SYNE1: variants seen among roughly 807,000 people sequenced by gnomAD.
The protein encoded by SYNE1 is nesprin-1.
Under a neutral mutation model 1,111.0 loss-of-function variants are expected in SYNE1, and 616 were observed. The ratio of observed to expected loss-of-function variants is 0.55; its 90% CI spans 0.52 to 0.59. The LOEUF is 0.59. Ranked by LOEUF, SYNE1 falls within the 20% of genes least tolerant of loss-of-function variation. SYNE1 has a pLI of 0.00. For synonymous variants in SYNE1, 3,855 were observed against 3,825.8 expected (o/e 1.01, Z -0.28); for missense variants, 10,006 against 10,417.0 (o/e 0.96, Z 1.72).
At chr6:152,287,069 T>C (rs910232811) in intron 95 of SYNE1, among the ~76,000 whole-genome samples, 2 of 152,254 alleles carry the variant, frequency 1.3e-5, no homozygotes, top group Non-Finnish European at 2.9e-5. Flanking sequence ...ATTTGACAGT[T>C]ATGACATCCA....
At chr6:152,153,040 T>C (rs1201068757) in intron 133 of SYNE1, among the ~76,000 whole-genome samples, 1 of 152,242 alleles carries the variant, frequency 6.6e-6, no homozygotes, top group Non-Finnish European at 1.5e-5. Context: ...ATCTTGGCAT[T>C]AGACCAAAAT....
intron 48 of SYNE1, among the ~76,000 whole-genome samples, chr6:152,398,992 T>A (rs1304587270): frequency 1.3e-5 from 2 of 152,204 alleles, no homozygotes; most frequent in African/African-American, 4.8e-5. Context: ...ATGTCTAATA[T>A]CCTGTTGTGT....
At chr6:152,461,470 A>C (rs2098733688) in intron 21 of SYNE1, 127 bp downstream of exon 21, 1 of 1,176,252 alleles carries the variant, frequency 8.5e-7, no homozygotes, top group African/African-American at 1.5e-5. Flanking sequence ...TAAATTGAGA[A>C]TCCCAATTAG....
chr6:152,208,299 C>A, intron 124 of SYNE1, 93 bp from the exon 125 acceptor site: 1 of 1,146,612 alleles, frequency 8.7e-7, no homozygotes, highest in South Asian at 1.3e-5. Flanking sequence ...CAACCCTAAG[C>A]CCTGAGAAGT....
At chr6:152,370,924 A>G (rs748023059) in intron 59 of SYNE1, among the ~76,000 whole-genome samples, 4 of 152,192 alleles carry the variant, frequency 2.6e-5, no homozygotes, top group Non-Finnish European at 5.9e-5. Context: ...AAAAGTTAGT[A>G]TCTCACAAAT....
chr6:152,290,930 T>C (rs2094569609), intron 95 of SYNE1, among the ~76,000 whole-genome samples: 1 of 151,912 alleles, frequency 6.6e-6, no homozygotes, highest in South Asian at 2.1e-4. Context: ...GTAGAACTTC[T>C]GGCACAGACA....
chr6:152,445,399 T>C (rs1208814638), intron 29 of SYNE1, among the ~76,000 whole-genome samples: 1 of 152,124 alleles, frequency 6.6e-6, no homozygotes, highest in Non-Finnish European at 1.5e-5. Context: ...TTGAATTTTC[T>C]TGTCTAATTT....
intron 18 of SYNE1, chr6:152,464,675 T>C (rs1238029284): frequency 1.3e-5 from 2 of 156,374 alleles, no homozygotes; most frequent in East Asian, 1.9e-4. Flanking sequence ...AGGAAGTATA[T>C]AAGCAGAAAT....
At chr6:152,186,827 TCTC>T (rs71772911) in intron 128 of SYNE1, among the ~76,000 whole-genome samples, 9,509 of 152,064 alleles carry the variant, frequency 0.063, 463 homozygotes, top group African/African-American at 0.14. Flanking sequence ...GTGCTAGACT[TCTC>T]CTAAAATTAA....
At chr6:152,319,278 A>G (rs1372862805) in intron 84 of SYNE1, among the ~76,000 whole-genome samples, 2 of 152,204 alleles carry the variant, frequency 1.3e-5, no homozygotes, top group African/African-American at 4.8e-5. Flanking sequence ...TATTTACAGA[A>G]TACTCATTAT....
At chr6:152,259,442 T>C (rs955909613) in intron 101 of SYNE1, among the ~76,000 whole-genome samples, 1 of 152,232 alleles carries the variant, frequency 6.6e-6, no homozygotes, top group Non-Finnish European at 1.5e-5. Flanking sequence ...TAGTGCCCTT[T>C]GACCTAGTGA....
At chr6:152,429,314 G>C (rs1283772597) in intron 36 of SYNE1, among the ~76,000 whole-genome samples, 1 of 151,952 alleles carries the variant, frequency 6.6e-6, no homozygotes, top group East Asian at 1.9e-4. Context: ...AGCCTCTTTG[G>C]TCCTCCATTA....
At position 152,331,458 on chromosome 6, in the gene SYNE1, G is replaced by C; in HGVS notation, c.13227C>G (p.Asp4409Glu). 1 of 1,614,150 alleles carries C rather than the reference G, an allele frequency of 6.2e-7. No homozygotes were observed. Among genetic ancestry groups the C allele is most frequent in the Non-Finnish European group, 8.5e-7 (1 of 1,180,032 alleles). ...TGAGACCAAGATCTGCCATGACCCT[G>C]TCTGCGTCCTTTATAAGCGATTTCA... ...MLLKSLIKDA[D>E]RVMADLGLNE... The change falls in exon 78 of 146, where the codon GAC becomes GAG. Residue 4409 changes from aspartate (D) to glutamate (E), a missense_variant. Asp to Glu is a conservative substitution (Grantham distance 45, BLOSUM62 2). Transcript: ENST00000367255.
intron 133 of SYNE1, among the ~76,000 whole-genome samples, chr6:152,153,882 T>C: frequency 6.6e-6 from 1 of 152,210 alleles, no homozygotes; most frequent in East Asian, 1.9e-4. Context: ...AACCCTGAGA[T>C]TTTAAACTCC....
At chr6:152,506,775 T>C (rs1232352838) in intron 8 of SYNE1, among the ~76,000 whole-genome samples, 1 of 152,090 alleles carries the variant, frequency 6.6e-6, no homozygotes, top group African/African-American at 2.4e-5. Context: ...GTATTATTCA[T>C]CATGTTGGCC....
chr6:152,310,541 T>C (rs2095515306), intron 88 of SYNE1, 23 bp from the exon 89 acceptor site: 5 of 1,613,736 alleles, frequency 3.1e-6, no homozygotes, highest in Admixed American at 1.7e-5. Flanking sequence ...TATCAATGTA[T>C]TGTACTTGAA....
At chr6:152,463,882 A>G (rs766210584) in intron 18 of SYNE1, among the ~76,000 whole-genome samples, 1 of 152,182 alleles carries the variant, frequency 6.6e-6, no homozygotes, top group South Asian at 2.1e-4. Flanking sequence ...AAGGCATAAT[A>G]CATTAGGGAA....
rs757260611 is a variant in SYNE1 at position 152,176,471 on chromosome 6, G to A, written c.23550C>T (p.Ser7850=). ...GERLAKASHE[S]KASEIEYKLG... ...GCTTGTATTCAATCTCAGATGCTTTGCTTTCATGGCTGGCTTTAGCAAGTC... is the reference window on the plus strand; with the variant it reads ...GCTTGTATTCAATCTCAGATGCTTTACTTTCATGGCTGGCTTTAGCAAGTC... Residue 7850 remains serine (S), a synonymous_variant, in exon 130 of 146, where the codon AGC becomes AGT. Coordinates refer to ENST00000367255, the MANE Select transcript of SYNE1 (RefSeq NM_182961.4). 9 of 1,608,214 alleles carry A rather than the reference G, an allele frequency of 5.6e-6. No individual in the cohort carries two copies. Among genetic ancestry groups the A allele is most frequent in the Non-Finnish European group, 6.8e-6 (8 of 1,176,808 alleles).
At position 152,368,306 on chromosome 6, in the gene SYNE1, C is replaced by T. The variant is rs139507345; in HGVS notation, c.9807+666G>A. 1.3e-4 allele frequency: 20 copies of T among 153,052 alleles called. No homozygotes were observed. The South Asian group carries it at 2.5e-3, about 19-fold the overall frequency. 9.5% of individuals were successfully genotyped at this position (153,052 alleles called of 1,614,324 possible). On this transcript the variant is annotated intron_variant, in intron 61 of 145. Transcript: ENST00000367255. Reference sequence around the variant, plus strand: ...CAACACACAGTTCAAAATGGGTCTACGTTACCATCTACGTCAAAATGGCTG... The same window carrying T: ...CAACACACAGTTCAAAATGGGTCTATGTTACCATCTACGTCAAAATGGCTG...
Sources: allele counts gnomAD v4.1 joint callset (sites outside exome capture counted in the v4.1 genomes callset), GRCh38; gene constraint gnomAD v4.1.1; transcripts MANE v1.5; gene names NCBI Gene and HGNC (gene_info 2026-07-23, HGNC 2026-07-21).